C7: variants seen among roughly 807,000 people sequenced by gnomAD.
C7 encodes complement component C7.
In C7, 83 loss-of-function variants were observed where a neutral mutation model predicts 104.8. That is an observed-to-expected ratio of 0.79 (90% CI 0.66 to 0.95). C7 has a LOEUF of 0.95. C7 is among the 40% of genes least tolerant of loss of function. C7 has a pLI of 0.00. For missense variants in C7, 1,070 were observed against 1,011.2 expected (o/e 1.06, Z -0.79); for synonymous variants, 415 against 360.6 (o/e 1.15, Z -1.71).
intron 8 of C7, 142 bp downstream of exon 8, chr5:40,947,987 G>C (rs777889292): frequency 3.1e-5 from 28 of 892,356 alleles, no homozygotes; most frequent in Non-Finnish European, 4.4e-5. Flanking sequence ...TTGCAAGAAT[G>C]TATTATTGTC....
In C7 at chr5:40,954,889, A is replaced by AAAAAAG. The variant is rs1554043280; in HGVS notation, c.1094-493_1094-492insGAAAAA. ...GAGAATACTGTCTCAAAAAAAAAAA[A>AAAAAAG]AAAAAAAAAAAAAAAAGAAAACCAC... On this transcript the variant is annotated intron_variant, in intron 9 of 17. Coordinates refer to ENST00000313164, the MANE Select transcript of C7 (RefSeq NM_000587.4). 3.0e-4 allele frequency: 84 copies of AAAAAAG among 284,614 alleles called. 3 individuals carry two copies. Among genetic ancestry groups the AAAAAAG allele is most frequent in the South Asian group, 4.3e-4 (13 of 30,320 alleles). 17.6% of individuals were successfully genotyped at this position (284,614 alleles called of 1,614,324 possible).
intron 14 of C7, among the ~76,000 whole-genome samples, chr5:40,971,090 G>A (rs1235147268): frequency 6.6e-6 from 1 of 152,028 alleles, no homozygotes; most frequent in African/African-American, 2.4e-5. Flanking sequence ...TAACCCTTTG[G>A]GTATATACCC....
At chr5:40,979,068 T>C (rs1740881558) in intron 16 of C7, among the ~76,000 whole-genome samples, 2 of 151,756 alleles carry the variant, frequency 1.3e-5, no homozygotes, top group South Asian at 4.2e-4. Context: ...TTAGTAGAGA[T>C]GGGGTTTCGC....
chr5:40,950,644 G>A (rs942729698), intron 9 of C7, among the ~76,000 whole-genome samples: 12 of 152,160 alleles, frequency 7.9e-5, no homozygotes, highest in Non-Finnish European at 1.5e-4. Context: ...TCAAGGTAGT[G>A]AGACATCACA....
intron 13 of C7, 134 bp from the exon 14 acceptor site, chr5:40,964,607 T>C: frequency 1.4e-6 from 1 of 727,408 alleles, no homozygotes; most frequent in Non-Finnish European, 2.3e-6. Flanking sequence ...AATGTTTTTA[T>C]AGACACTTTT....
intron 1 of C7, among the ~76,000 whole-genome samples, chr5:40,928,367 C>A (rs1472292385): frequency 1.3e-5 from 2 of 151,944 alleles, no homozygotes; most frequent in African/African-American, 4.8e-5. Context: ...TTCAAAATTG[C>A]CAAAAGTAAA....
chr5:40,957,478 G>A (rs1305103679), intron 10 of C7, among the ~76,000 whole-genome samples: 1 of 151,924 alleles, frequency 6.6e-6, no homozygotes, highest in East Asian at 1.9e-4. Flanking sequence ...ATTTTGAGAT[G>A]GAGTTTCACT....
At chr5:40,937,385 T>G in intron 5 of C7, 167 bp from the exon 6 acceptor site, 2 of 547,024 alleles carry the variant, frequency 3.7e-6, no homozygotes, top group Non-Finnish European at 6.2e-6. Flanking sequence ...GTATGGTGTG[T>G]ATTAGGATGC....
At chr5:40,952,564 A>G (rs559486779) in intron 9 of C7, among the ~76,000 whole-genome samples, 10 of 151,970 alleles carry the variant, frequency 6.6e-5, no homozygotes. Context: ...TTACATATGT[A>G]TACATGTGCC....
At chr5:40,969,211 T>A (rs1740637023) in intron 14 of C7, among the ~76,000 whole-genome samples, 1 of 152,146 alleles carries the variant, frequency 6.6e-6, no homozygotes, top group Non-Finnish European at 1.5e-5. Context: ...GTGTAAACAG[T>A]GTGTAATAAG....
chr5:40,965,039 C>T (rs1740515130), intron 14 of C7, among the ~76,000 whole-genome samples, 166 bp downstream of exon 14: 1 of 152,192 alleles, frequency 6.6e-6, no homozygotes, highest in Non-Finnish European at 1.5e-5. Flanking sequence ...AGCCCTCCGC[C>T]TTCTCTAGTT....
intron 15 of C7, among the ~76,000 whole-genome samples, chr5:40,976,113 A>C (rs1740814232): frequency 6.6e-6 from 1 of 152,242 alleles, no homozygotes; most frequent in African/African-American, 2.4e-5. Flanking sequence ...TATAGAAAGA[A>C]TTTTATTAAC....
intron 16 of C7, among the ~76,000 whole-genome samples, chr5:40,979,080 A>G (rs940347049): frequency 1.6e-4 from 25 of 151,988 alleles, no homozygotes; most frequent in Admixed American, 7.2e-4. Flanking sequence ...GGGTTTCGCC[A>G]TGTTAGCCAT....
chr5:40,947,708 A>C lies in C7; in HGVS notation c.845A>C (p.His282Pro), dbSNP rs1740080023. 1 of 1,613,422 alleles carries C rather than the reference A, an allele frequency of 6.2e-7. No homozygotes were observed. The highest frequency in any genetic ancestry group is 1.1e-5 in the South Asian group (1 of 91,064). ...GAGCCATTCTGGAAGGAGCTTTCCC[A>C]CCTCCCCTCTCTGTATGACTACAGT... ...LAEPFWKELS[H>P]LPSLYDYSAY... Residue 282 changes from histidine to proline, a missense_variant, in exon 8 of 18, where the codon CAC becomes CCC. By Grantham distance (77) the His-to-Pro change is moderately conservative. Transcript: ENST00000313164.
intron 15 of C7, among the ~76,000 whole-genome samples, chr5:40,974,578 G>A (rs6872291): frequency 0.25 from 37,355 of 151,772 alleles, 4,711 homozygotes; most frequent in South Asian, 0.4. Flanking sequence ...ACCATGCCCG[G>A]CTAATTTTTT....
chr5:40,957,101 A>G (rs1464372248), intron 10 of C7, among the ~76,000 whole-genome samples: 1 of 152,174 alleles, frequency 6.6e-6, no homozygotes, highest in Non-Finnish European at 1.5e-5. Context: ...GCTCTCAGGA[A>G]CCAATGGTGC....
intron 4 of C7, among the ~76,000 whole-genome samples, chr5:40,935,866 C>T (rs570145709): frequency 7.9e-5 from 12 of 152,272 alleles, no homozygotes; most frequent in African/African-American, 1.7e-4. Context: ...TATTCATATT[C>T]GTATCCTAGC....
At chr5:40,922,039 AAAACAAAC>A (rs200654306) in intron 1 of C7, among the ~76,000 whole-genome samples, 39 of 137,798 alleles carry the variant, frequency 2.8e-4, no homozygotes, top group East Asian at 1.2e-3. Flanking sequence ...CTCTGTCTCA[AAAACAAAC>A]AAACAAACAA....
At chr5:40,942,754 G>A (rs997401781) in intron 6 of C7, among the ~76,000 whole-genome samples, 1 of 151,364 alleles carries the variant, frequency 6.6e-6, no homozygotes, top group East Asian at 1.9e-4. Context: ...ACAGTTGTGC[G>A]ATTTTCTTTC....
Sources: gnomAD v4.1 joint callset for allele counts (sites outside exome capture counted in the v4.1 genomes callset) on GRCh38, gnomAD v4.1.1 for gene constraint, MANE v1.5 for transcripts, NCBI Gene and HGNC (gene_info 2026-07-23, HGNC 2026-07-21) for gene names.